Variants in FAT3 observed in about 807,000 individuals in gnomAD.
FAT3 encodes protocadherin Fat 3.
A neutral mutation model predicts 310.2 loss-of-function variants in FAT3; 95 were observed. The ratio of observed to expected loss-of-function variants is 0.31; its 90% CI spans 0.26 to 0.36. The LOEUF (loss-of-function observed/expected upper bound fraction) is 0.36. FAT3 is among the 10% of genes least tolerant of loss of function. FAT3 has a pLI of 1.00. For synonymous variants in FAT3, 2,314 were observed against 2,192.9 expected (o/e 1.06, Z -1.54); for missense variants, 5,408 against 5,715.6 (o/e 0.95, Z 1.74).
At chr11:92,485,553 G>C (rs1351107494) in intron 2 of FAT3, among the ~76,000 whole-genome samples, 2 of 152,134 alleles carry the variant, frequency 1.3e-5, no homozygotes, top group African/African-American at 4.8e-5. Context: ...AGATTACACA[G>C]AAACGAAAGG....
At chr11:92,712,441 T>G (rs867796576) in intron 4 of FAT3, among the ~76,000 whole-genome samples, 4 of 152,302 alleles carry the variant, frequency 2.6e-5, no homozygotes, top group Non-Finnish European at 4.4e-5. Context: ...CATCCCTTTT[T>G]GAGAGTAAAA....
chr11:92,528,456 G>T (rs571923465), intron 3 of FAT3, among the ~76,000 whole-genome samples: 1 of 152,254 alleles, frequency 6.6e-6, no homozygotes, highest in Middle Eastern at 3.4e-3. Flanking sequence ...GCACGATCTC[G>T]GCTCACTGCA....
intron 3 of FAT3, among the ~76,000 whole-genome samples, chr11:92,666,867 G>A (rs1438623198): frequency 6.6e-6 from 1 of 152,098 alleles, no homozygotes; most frequent in Non-Finnish European, 1.5e-5. Context: ...GGACCAGCCT[G>A]AGCACACATC....
At chr11:92,512,839 T>TCTGAAAGTGAC (rs1953342492) in intron 2 of FAT3, among the ~76,000 whole-genome samples, 1 of 125,428 alleles carries the variant, frequency 8.0e-6, no homozygotes, top group Non-Finnish European at 1.7e-5. Context: ...GTTAAGATTA[T>TCTGAAAGTGAC]CGGCCGGGCG....
intron 3 of FAT3, among the ~76,000 whole-genome samples, chr11:92,627,011 G>C (rs1941364150): frequency 6.6e-6 from 1 of 152,124 alleles, no homozygotes; most frequent in Non-Finnish European, 1.5e-5. Flanking sequence ...GTTGAAATAG[G>C]CATAGACTTC....
At chr11:92,497,567 G>A (rs1414028273) in intron 2 of FAT3, among the ~76,000 whole-genome samples, 1 of 151,986 alleles carries the variant, frequency 6.6e-6, no homozygotes, top group African/African-American at 2.4e-5. Flanking sequence ...TTGGCTGGAG[G>A]TCACACAGCT....
intron 3 of FAT3, among the ~76,000 whole-genome samples, chr11:92,578,877 TA>T (rs200431611): frequency 1.7e-4 from 26 of 151,632 alleles, no homozygotes; most frequent in African/African-American, 5.3e-4. Flanking sequence ...TAATATATCA[TA>T]AAAAAAATGC....
chr11:92,444,663 G>GT (rs201086806), intron 2 of FAT3, among the ~76,000 whole-genome samples: 1 of 138,446 alleles, frequency 7.2e-6, no homozygotes, highest in East Asian at 2.3e-4. Flanking sequence ...TATTACTGGG[G>GT]GGGGGGGAAA....
At chr11:92,300,860 A>C (rs1011626176) in intron 1 of FAT3, among the ~76,000 whole-genome samples, 1 of 152,112 alleles carries the variant, frequency 6.6e-6, no homozygotes, top group Non-Finnish European at 1.5e-5. Flanking sequence ...ACACCTTTAT[A>C]TTATTTTAAA....
chr11:92,448,660 A>C (rs1471619152), intron 2 of FAT3, among the ~76,000 whole-genome samples: 1 of 152,102 alleles, frequency 6.6e-6, no homozygotes, highest in Non-Finnish European at 1.5e-5. Flanking sequence ...AACTTTTTGG[A>C]GTTTTTGATA....
rs573462630 is a variant in FAT3 at position 92,727,999 on chromosome 11, C to T, written c.3669+30554C>T. 1.3e-5 allele frequency among the ~76,000 whole-genome samples: 2 copies of T among 152,294 alleles called. 1 individual carries two copies. Among genetic ancestry groups the T allele is most frequent in the South Asian group, 4.1e-4 (2 of 4,822 alleles). On this transcript the variant is annotated intron_variant, in intron 4 of 27. Coordinates refer to ENST00000525166, the MANE Select transcript of FAT3 (RefSeq NM_001367949.2). ...GAGAGAGCATGCTGGCCAGTGGTGG[C>T]ACTCCTGTGCCTCTGCACAAGTGTA...
chr11:92,361,916 G>A (rs376114213), intron 2 of FAT3, among the ~76,000 whole-genome samples: 9 of 152,248 alleles, frequency 5.9e-5, no homozygotes, highest in African/African-American at 2.2e-4. Context: ...GCAGATGCAA[G>A]AGATGATGCT....
intron 2 of FAT3, among the ~76,000 whole-genome samples, chr11:92,401,182 G>A (rs1950005675): frequency 6.6e-6 from 1 of 152,166 alleles, no homozygotes; most frequent in African/African-American, 2.4e-5. Flanking sequence ...TTATTTTGAT[G>A]AATTGCTGGA....
intron 3 of FAT3, among the ~76,000 whole-genome samples, chr11:92,609,978 A>G (rs1940486410): frequency 6.6e-6 from 1 of 152,194 alleles, no homozygotes; most frequent in Admixed American, 6.5e-5. Flanking sequence ...ATTCCCATTC[A>G]GGCTTCTCAT....
intron 4 of FAT3, chr11:92,749,051 C>T (rs1257943740): frequency 6.6e-6 from 1 of 152,178 alleles, no homozygotes; most frequent in African/African-American, 2.4e-5. Flanking sequence ...TTGAGAAGGT[C>T]ATTTCTCTAT....
chr11:92,624,164 G>A (rs1941218070), intron 3 of FAT3, among the ~76,000 whole-genome samples: 1 of 152,140 alleles, frequency 6.6e-6, no homozygotes, highest in Admixed American at 6.6e-5. Context: ...AAGTAACTAA[G>A]CCCTACTGGA....
At chr11:92,689,924 T>C (rs1943749018) in intron 3 of FAT3, among the ~76,000 whole-genome samples, 1 of 152,194 alleles carries the variant, frequency 6.6e-6, no homozygotes, top group African/African-American at 2.4e-5. Flanking sequence ...CAAATGCTTC[T>C]AATCAATCTA....
chr11:92,432,237 G>C (rs1206345809), intron 2 of FAT3, among the ~76,000 whole-genome samples: 1 of 152,062 alleles, frequency 6.6e-6, no homozygotes, highest in African/African-American at 2.4e-5. Flanking sequence ...TGGATTCCTA[G>C]GTATTTTATT....
At chr11:92,564,282 G>A (rs1955348784) in intron 3 of FAT3, among the ~76,000 whole-genome samples, 1 of 151,384 alleles carries the variant, frequency 6.6e-6, no homozygotes, top group South Asian at 2.1e-4. Flanking sequence ...GATCAAAAGA[G>A]ACAAAGAAGG....
Sources: gnomAD v4.1 joint callset for allele counts (sites outside exome capture counted in the v4.1 genomes callset) on GRCh38, gnomAD v4.1.1 for gene constraint, MANE v1.5 for transcripts, NCBI Gene and HGNC (gene_info 2026-07-23, HGNC 2026-07-21) for gene names.